CES4A: variants seen among roughly 807,000 people sequenced by gnomAD.
CES4A encodes carboxylesterase 4A, also known as carboxylesterase 6.
Under a neutral mutation model 65.4 loss-of-function variants are expected in CES4A, and 48 were observed. The ratio of observed to expected loss-of-function variants is 0.73; its 90% CI spans 0.58 to 0.93. The LOEUF (loss-of-function observed/expected upper bound fraction) is 0.93, where lower values mean the gene tolerates loss of function less well. Among genes scored for constraint, CES4A ranks in the 40% least tolerant of loss-of-function variants. The probability of loss-of-function intolerance (pLI) is 0.00; values close to 1 mark genes in which losing one functional copy is unlikely to be tolerated. For synonymous variants in CES4A, 247 were observed against 281.8 expected (o/e 0.88, Z 1.24); for missense variants, 685 against 728.5 (o/e 0.94, Z 0.69).
chr16:67,005,243 A>G, exon 11 of CES4A: 2 of 1,614,042 alleles, frequency 1.2e-6, no homozygotes, highest in Non-Finnish European at 1.7e-6. Context: ...CACTCAGAAT[A>G]TCACCAAGGA....
chr16:67,004,134 C>G (rs1264805584), exon 9 of CES4A: 1 of 1,614,156 alleles, frequency 6.2e-7, no homozygotes, highest in South Asian at 1.1e-5. Flanking sequence ...TCCCAGATGA[C>G]CCTTTGGTGC....
rs536943220 is a variant in CES4A, at chr16:67,006,561, T to G, written c.1444+42T>G. The G allele has an allele frequency of 5.2e-5, 81 of 1,551,964 alleles. No individual in the cohort carries two copies. The African/African-American group carries it at 1.0e-3, about 20-fold the overall frequency. Reference sequence around the variant, plus strand: ...TGATACCCCAACTGGGTGTCCAGTCTCCCACCTCTGGATGCAGACCCACCC... The same window carrying G: ...TGATACCCCAACTGGGTGTCCAGTCGCCCACCTCTGGATGCAGACCCACCC... On this transcript the variant is annotated intron_variant, in intron 12 of 13. Transcript: ENST00000648724.
chr16:66,998,047 G>A (rs182818183), intron 2 of CES4A, among the ~76,000 whole-genome samples: 36 of 151,952 alleles, frequency 2.4e-4, no homozygotes, highest in Non-Finnish European at 5.0e-4. Context: ...GATGTTCCAC[G>A]TGGAGGGGCG....
chr16:66,995,040 G>C (rs1197167041), intron 1 of CES4A, among the ~76,000 whole-genome samples: 2 of 149,952 alleles, frequency 1.3e-5, no homozygotes, highest in Admixed American at 1.3e-4. Context: ...GGCCGGGCGT[G>C]GTGGCTCACA....
chr16:67,005,129 C>A (rs147858485), intron 10 of CES4A, 111 bp from the exon 11 acceptor site: 4 of 1,153,978 alleles, frequency 3.5e-6, no homozygotes, highest in African/African-American at 1.5e-5. Flanking sequence ...CTTTCTCCCC[C>A]TCCCAGGCCA....
At chr16:66,994,505 G>A (rs923141955) in intron 1 of CES4A, among the ~76,000 whole-genome samples, 3 of 150,232 alleles carry the variant, frequency 2.0e-5, no homozygotes, top group Admixed American at 6.6e-5. Flanking sequence ...GCCACCGCGC[G>A]CAGCCGACAT....
Position 67,004,789 on chromosome 16 carries a change from A to T in CES4A, c.1081-4A>T, listed in dbSNP as rs1177460856. 6.5e-7 allele frequency: 1 copy of T among 1,535,902 alleles called. No homozygotes were observed. The highest frequency in any genetic ancestry group is 1.4e-5 in the African/African-American group (1 of 73,020). ...CCACACTGGGGTCCTTGTCTTGTGA[A>T]CAGATCATGAAGTTCCCGCTAAACC... On this transcript the variant is annotated splice_region_variant and splice_polypyrimidine_tract_variant and intron_variant, in intron 9 of 13. Coordinates refer to ENST00000648724, the Ensembl canonical transcript of CES4A.
chr16:67,004,259 A>G (rs745559693), intron 9 of CES4A, 35 bp downstream of exon 9: 3 of 1,612,196 alleles, frequency 1.9e-6, no homozygotes, highest in Non-Finnish European at 1.7e-6. Context: ...CTCTTGCCTT[A>G]CGTAAGTGAG....
intron 1 of CES4A, among the ~76,000 whole-genome samples, chr16:66,989,827 C>G (rs1164449670): frequency 6.6e-6 from 1 of 151,784 alleles, no homozygotes; most frequent in Non-Finnish European, 1.5e-5. Context: ...TGCACTCCAG[C>G]CTGGGCAACA....
At chr16:67,006,643 A>G (rs1965783527) in intron 12 of CES4A, 102 bp from the exon 13 acceptor site, 1 of 1,538,602 alleles carries the variant, frequency 6.5e-7, no homozygotes, top group African/African-American at 1.4e-5. Flanking sequence ...GCTCTCCCAA[A>G]TGAAAGTCTT....
chr16:66,995,550 T>G, intron 1 of CES4A, 78 bp from the exon 2 acceptor site: 1 of 1,268,292 alleles, frequency 7.9e-7, no homozygotes, highest in Non-Finnish European at 1.1e-6. Context: ...GTCCCATTTG[T>G]GGCTGAGTGG....
At chr16:66,995,090 T>A (rs910111674) in intron 1 of CES4A, among the ~76,000 whole-genome samples, 2 of 151,624 alleles carry the variant, frequency 1.3e-5, no homozygotes, top group Non-Finnish European at 2.9e-5. Flanking sequence ...GGCGGGCAGA[T>A]CACGAGGTCA....
At chr16:67,004,966 C>G in intron 10 of CES4A, 93 bp downstream of exon 10, 1 of 1,014,958 alleles carries the variant, frequency 9.9e-7, no homozygotes, top group South Asian at 1.4e-5. Context: ...AAAGGGGCTC[C>G]CAGCCAGGGT....
intron 2 of CES4A, chr16:66,996,065 G>A (rs760406984): frequency 1.6e-6 from 1 of 618,998 alleles, no homozygotes; most frequent in South Asian, 1.5e-5. Context: ...TTTAGATGGA[G>A]TCTCGCTCTG....
chr16:66,989,782 G>C (rs890085301), intron 1 of CES4A, among the ~76,000 whole-genome samples: 4 of 151,718 alleles, frequency 2.6e-5, no homozygotes, highest in Non-Finnish European at 5.9e-5. Context: ...TTGAAGCCAG[G>C]AGGCAGAGGT....
intron 1 of CES4A, among the ~76,000 whole-genome samples, chr16:66,991,044 A>G (rs1964348335): frequency 1.3e-5 from 2 of 151,660 alleles, no homozygotes; most frequent in Admixed American, 6.6e-5. Context: ...TTTGTTTTTG[A>G]GATGGAGTCT....
At chr16:66,995,189 G>A (rs1230955998) in intron 1 of CES4A, among the ~76,000 whole-genome samples, 12 of 148,696 alleles carry the variant, frequency 8.1e-5, no homozygotes, top group South Asian at 2.1e-4. Flanking sequence ...GGGCGCCTGT[G>A]GTCCCAGCTG....
At chr16:66,993,711 A>G (rs1217963354) in intron 1 of CES4A, among the ~76,000 whole-genome samples, 1 of 152,232 alleles carries the variant, frequency 6.6e-6, no homozygotes, top group Non-Finnish European at 1.5e-5. Context: ...TAGCATGTAC[A>G]TGTGAGTATT....
rs535742758 is a variant in CES4A, at chr16:67,001,566, C to T, written c.690+105C>T. ...ATGTGCAGATTTGCGTGTACAGGAACGTGCCTGCCACAGAAATGCTCTCGC... is the reference window on the plus strand; with the variant it reads ...ATGTGCAGATTTGCGTGTACAGGAATGTGCCTGCCACAGAAATGCTCTCGC... On this transcript the variant is annotated intron_variant, in intron 5 of 13. Coordinates refer to ENST00000648724, the Ensembl canonical transcript of CES4A. The surrounding 1 kb of genome is among the most constrained non-coding windows in gnomAD (Gnocchi z 4.1). 2 of 1,330,396 alleles carry T rather than the reference C, an allele frequency of 1.5e-6. No individual in the cohort carries two copies. The highest frequency in any genetic ancestry group is 2.0e-6 in the Non-Finnish European group (2 of 982,558). The allele number at this position is 1,330,396 out of a possible 1,614,324, so 82.4% of individuals were successfully genotyped here. A position where few individuals can be genotyped will look rare whatever the true frequency, so the allele number is the denominator to read the frequency against.
Sources: allele counts gnomAD v4.1 joint callset (sites outside exome capture counted in the v4.1 genomes callset), GRCh38; gene constraint gnomAD v4.1.1; non-coding constraint Gnocchi (gnomAD v3.1); transcripts MANE v1.5; gene names NCBI Gene and HGNC (gene_info 2026-07-23, HGNC 2026-07-21).